Variants in B4GALNT3 observed in about 807,000 individuals in gnomAD.
B4GALNT3 encodes beta-1,4-N-acetylgalactosaminyltransferase 3.
Under a neutral mutation model 120.2 loss-of-function variants are expected in B4GALNT3, and 86 were observed. The ratio of observed to expected loss-of-function variants is 0.72; its 90% CI spans 0.60 to 0.86. The LOEUF (loss-of-function observed/expected upper bound fraction) is 0.86, where lower values mean the gene tolerates loss of function less well. Among genes scored for constraint, B4GALNT3 ranks in the 40% least tolerant of loss-of-function variants. The pLI is 0.00. For missense variants in B4GALNT3, 1,167 were observed against 1,298.9 expected (o/e 0.90, Z 1.56); for synonymous variants, 518 against 510.4 (o/e 1.01, Z -0.20).
intron 3 of B4GALNT3, among the ~76,000 whole-genome samples, chr12:542,024 C>T (rs1312751707): frequency 6.6e-6 from 1 of 152,090 alleles, no homozygotes; most frequent in Admixed American, 6.5e-5. Context: ...AGGATTTTCC[C>T]CCAAAGTAGC....
Position 559,290 on chromosome 12 carries a change from C to G in B4GALNT3, c.2762-5C>G. On this transcript the variant is annotated splice_polypyrimidine_tract_variant and splice_region_variant and intron_variant, in intron 18 of 19. Coordinates refer to ENST00000266383, the MANE Select transcript of B4GALNT3 (RefSeq NM_173593.4). ...ATCTCACCCGAAGCTCCTGTCTGTC[C>G]ACAGGCTACTGGGAGGTGAATGGGT... 1 of 1,613,922 alleles carries G rather than the reference C, an allele frequency of 6.2e-7. No homozygotes were observed. Among genetic ancestry groups the G allele is most frequent in the Non-Finnish European group, 8.5e-7 (1 of 1,179,864 alleles).
chr12:494,270 A>G (rs1441006160), intron 1 of B4GALNT3, among the ~76,000 whole-genome samples: 1 of 147,250 alleles, frequency 6.8e-6, no homozygotes, highest in African/African-American at 2.5e-5. Flanking sequence ...AGACAGAGTG[A>G]GACCTTGTAT....
intron 1 of B4GALNT3, among the ~76,000 whole-genome samples, chr12:510,998 A>ATGGATT (rs1946542382): frequency 1.0e-5 from 1 of 99,680 alleles, no homozygotes; most frequent in Non-Finnish European, 2.0e-5. Flanking sequence ...TTTGGTCTCT[A>ATGGATT]TGGATTTGCC....
chr12:547,723 C>A (rs1422403034), intron 7 of B4GALNT3, among the ~76,000 whole-genome samples: 1 of 152,118 alleles, frequency 6.6e-6, no homozygotes, highest in African/African-American at 2.4e-5. Flanking sequence ...ATATTGAAAG[C>A]ATTTAGAACA....
rs1313161006 is a variant in B4GALNT3, at chr12:550,890, C to T, written c.998-32C>T. The T allele has an allele frequency of 2.6e-6, 4 of 1,544,284 alleles. No individual in the cohort carries two copies. Among genetic ancestry groups the T allele is most frequent in the Admixed American group, 1.7e-5 (1 of 59,670 alleles). On this transcript the variant is annotated intron_variant, in intron 10 of 19. Transcript: ENST00000266383. This position sits in a 1 kb window ranked among gnomAD's most constrained non-coding sequence, Gnocchi z 4.1. ...TCAGCCCCAGTTTCGTGCTCACCCT[C>T]ACCCTCACTCCTCCTCCTCCACTGT...
Position 561,398 on chromosome 12 carries a change from C to T in B4GALNT3, c.2944C>T (p.His982Tyr), listed in dbSNP as rs747041543. ...ERLSLRNFFH[H>Y]FHSKRGMWSR... ...TCTCTCCCTCAGGAATTTCTTCCATCATTTCCATTCCAAGCGAGGCATGTG... is the reference window on the plus strand; with the variant it reads ...TCTCTCCCTCAGGAATTTCTTCCATTATTTCCATTCCAAGCGAGGCATGTG... The change falls in exon 20 of 20, where the codon CAT (histidine) becomes TAT (tyrosine). Residue 982 changes from histidine to tyrosine, a missense_variant. Around this residue, in one of 3 missense-constraint regions of B4GALNT3, gnomAD observed 983 missense variants for 1,102.5 expected, o/e 0.89. Coordinates refer to ENST00000266383, the MANE Select transcript of B4GALNT3 (RefSeq NM_173593.4). The T allele has an allele frequency of 2.2e-5, 35 of 1,613,942 alleles. No homozygotes were observed. The Middle Eastern group carries it at 4.9e-4, about 23-fold the overall frequency.
intron 6 of B4GALNT3, among the ~76,000 whole-genome samples, chr12:546,214 GGGGGTGTGGGAGGAGGGGAGT>G (rs1280496315): frequency 4.5e-5 from 2 of 44,682 alleles, no homozygotes; most frequent in Non-Finnish European, 9.6e-5. Flanking sequence ...GAGGAGGGAG[GGGGGTGTGGGAGGAGGGGAGT>G]GGGGAGGTGG....
intron 1 of B4GALNT3, among the ~76,000 whole-genome samples, chr12:473,719 A>T (rs1314835155): frequency 1.3e-5 from 2 of 152,178 alleles, no homozygotes; most frequent in Non-Finnish European, 2.9e-5. Flanking sequence ...TTTACTGAGC[A>T]CTTGTTATAT....
intron 1 of B4GALNT3, among the ~76,000 whole-genome samples, chr12:520,624 T>A (rs1325230659): frequency 2.0e-5 from 3 of 152,266 alleles, no homozygotes; most frequent in Non-Finnish European, 4.4e-5. Flanking sequence ...AGTAGATCAG[T>A]AGAAATTATC....
chr12:492,062 A>AAAAAAG (rs1345153161), intron 1 of B4GALNT3, among the ~76,000 whole-genome samples: 1 of 151,992 alleles, frequency 6.6e-6, no homozygotes, highest in African/African-American at 2.4e-5. Flanking sequence ...TCTCAAAAAA[A>AAAAAAG]AAAAAGAACA....
At chr12:488,690 C>T (rs215233) in intron 1 of B4GALNT3, among the ~76,000 whole-genome samples, 5 of 151,828 alleles carry the variant, frequency 3.3e-5, no homozygotes, top group Non-Finnish European at 7.4e-5. Context: ...AACAATGGCA[C>T]ATGCATGTAG....
chr12:520,519 G>A (rs1946697313), intron 1 of B4GALNT3, among the ~76,000 whole-genome samples: 1 of 71,226 alleles, frequency 1.4e-5, no homozygotes, highest in Non-Finnish European at 2.8e-5. Context: ...ACTTTTCCCT[G>A]TAGACATAGA....
chr12:560,276 C>G (rs139524411), intron 19 of B4GALNT3, among the ~76,000 whole-genome samples: 1 of 152,208 alleles, frequency 6.6e-6, no homozygotes. Context: ...GGCGGGACCT[C>G]GACACGAAGA....
chr12:546,775 C>A, intron 7 of B4GALNT3, 62 bp downstream of exon 7: 1 of 1,465,868 alleles, frequency 6.8e-7, no homozygotes. Context: ...CCCGGCTGCG[C>A]CCCTGTCCGC....
intron 1 of B4GALNT3, among the ~76,000 whole-genome samples, chr12:471,913 A>G (rs1421911058): frequency 1.3e-5 from 2 of 152,164 alleles, no homozygotes; most frequent in African/African-American, 4.8e-5. Flanking sequence ...GGAGGGCTTT[A>G]CTATGTAAAT....
chr12:546,471 C>T (rs1164792014), intron 6 of B4GALNT3, among the ~76,000 whole-genome samples, 175 bp from the exon 7 acceptor site: 1 of 152,098 alleles, frequency 6.6e-6, no homozygotes, highest in Non-Finnish European at 1.5e-5. Flanking sequence ...GCGTGGGCAA[C>T]GCTCACTCCT....
intron 1 of B4GALNT3, among the ~76,000 whole-genome samples, chr12:482,709 T>C (rs115651674): frequency 9.7e-4 from 147 of 152,232 alleles, no homozygotes; most frequent in African/African-American, 3.4e-3. Context: ...TTCTTAAGCA[T>C]ATGCAGCCAG....
At chr12:475,867 C>T (rs1946179806) in intron 1 of B4GALNT3, among the ~76,000 whole-genome samples, 1 of 152,202 alleles carries the variant, frequency 6.6e-6, no homozygotes. Context: ...ACTCTCCCCA[C>T]AGCATTGATG....
rs1445633825 is a variant in B4GALNT3, at chr12:498,048, C to A, written c.170-37118C>A. On this transcript the variant is annotated intron_variant, in intron 1 of 19. Transcript: ENST00000266383. ...ATTCAGTGACTAAACAATAAACAAA[C>A]CTTCCTCTACTTCTCCAGTTTTATA... Among the ~76,000 whole-genome samples, 10 of 152,142 alleles carry A rather than the reference C, an allele frequency of 6.6e-5. No individual in the cohort carries two copies. In the East Asian group the frequency reaches 1.9e-3, roughly 29 times the overall value.
Sources: allele counts gnomAD v4.1 joint callset (sites outside exome capture counted in the v4.1 genomes callset), GRCh38; gene constraint gnomAD v4.1.1; regional missense constraint gnomAD v4.1.1; non-coding constraint Gnocchi (gnomAD v3.1); transcripts MANE v1.5; gene names NCBI Gene and HGNC (gene_info 2026-07-23, HGNC 2026-07-21).